Variants in TMEM38A observed in about 807,000 individuals in gnomAD.
The protein encoded by TMEM38A is trimeric intracellular cation channel type A.
In TMEM38A, 17 loss-of-function variants were observed where a neutral mutation model predicts 28.6. That is an observed-to-expected ratio of 0.60 (90% CI 0.41 to 0.89). TMEM38A has a LOEUF of 0.89. Ranked by LOEUF, TMEM38A falls within the 40% of genes least tolerant of loss-of-function variation. The pLI, the probability that TMEM38A is intolerant of heterozygous loss-of-function variation, is 0.00. For missense variants in TMEM38A, 328 were observed against 393.1 expected, an observed-to-expected ratio of 0.83 and a Z score of 1.40; for synonymous variants, 169 against 166.1, an observed-to-expected ratio of 1.02 and a Z score of -0.14.
intron 4 of TMEM38A, among the ~76,000 whole-genome samples, chr19:16,683,726 T>G (rs537852573): frequency 6.6e-6 from 1 of 151,956 alleles, no homozygotes; most frequent in Non-Finnish European, 1.5e-5. Context: ...ATCCCAGCAC[T>G]TTGGGAGGCT....
chr19:16,687,751 C>T (rs1441499750), intron 5 of TMEM38A, among the ~76,000 whole-genome samples: 1 of 152,076 alleles, frequency 6.6e-6, no homozygotes, highest in South Asian at 2.1e-4. Flanking sequence ...TCTAATTACC[C>T]CTCCAAAGGC....
In TMEM38A at chr19:16,688,292, A is replaced by G; in HGVS notation, c.821A>G (p.Gln274Arg). Residue 274 changes from glutamine (Q) to arginine (R), a missense_variant, in exon 6 of 6, where the codon CAG (glutamine) becomes CGG (arginine). Physicochemically the swap from Gln to Arg is conservative, Grantham distance 43 (BLOSUM62 1). Transcript: ENST00000187762. ...GSHSGGGPGA[Q>R]HSAMPAKSKE... Reference sequence around the variant, plus strand: ...CACAGCGGTGGTGGGCCAGGAGCTCAGCATTCGGCCATGCCCGCCAAGTCC... The same window carrying G: ...CACAGCGGTGGTGGGCCAGGAGCTCGGCATTCGGCCATGCCCGCCAAGTCC... 1.2e-6 allele frequency: 2 copies of G among 1,608,996 alleles called. No homozygotes were observed. The highest frequency in any genetic ancestry group is 8.5e-7 in the Non-Finnish European group (1 of 1,177,642).
chr19:16,687,907 A>C (rs1428923151), intron 5 of TMEM38A, among the ~76,000 whole-genome samples: 1 of 152,178 alleles, frequency 6.6e-6, no homozygotes, highest in Non-Finnish European at 1.5e-5. Flanking sequence ...CAGCAGTCTC[A>C]GTGTGCTTGG....
chr19:16,661,199 A>G lies in TMEM38A; in HGVS notation c.-19A>G, dbSNP rs745848879. On this transcript the variant is annotated 5_prime_UTR_variant, in exon 1 of 6. Coordinates refer to ENST00000187762, the MANE Select transcript of TMEM38A (RefSeq NM_024074.4). The surrounding 1 kb of genome is among the most constrained non-coding windows in gnomAD (Gnocchi z 6.5). Reference sequence around the variant, plus strand: ...GCCGGGGCCCCGGGTGGCACCCGGCAGGCGGGCAGGCGGGCGCCATGGAGC... The same window carrying G: ...GCCGGGGCCCCGGGTGGCACCCGGCGGGCGGGCAGGCGGGCGCCATGGAGC... 1 of 1,412,964 alleles carries G rather than the reference A, an allele frequency of 7.1e-7. No homozygotes were observed. The highest frequency in any genetic ancestry group is 9.4e-7 in the Non-Finnish European group (1 of 1,069,448). The allele number at this position is 1,412,964 out of a possible 1,614,324, so 87.5% of individuals were successfully genotyped here.
rs1265087878 is a variant in TMEM38A, at chr19:16,688,359, G to T, written c.888G>T (p.Lys296Asn). ...AGGGCTCCAGGAAGAAGAAGGCCAA[G>T]AAGGCGGATTAGGGGGTGGCCCAAG... ...LSEGSRKKKA[K>N]KAD Residue 296 changes from lysine (K) to asparagine (N), a missense_variant, in exon 6 of 6, where the codon AAG becomes AAT. Coordinates refer to ENST00000187762, the MANE Select transcript of TMEM38A (RefSeq NM_024074.4). 1 of 1,589,076 alleles carries T rather than the reference G, an allele frequency of 6.3e-7. No individual in the cohort carries two copies. Among genetic ancestry groups the T allele is most frequent in the African/African-American group, 1.3e-5 (1 of 74,282 alleles).
Position 16,661,162 on chromosome 19 carries a change from G to C in TMEM38A, c.-56G>C. 9 of 1,117,570 alleles carry C rather than the reference G, an allele frequency of 8.1e-6. No homozygotes were observed. The highest frequency in any genetic ancestry group is 9.9e-6 in the Non-Finnish European group (9 of 910,830). The allele number at this position is 1,117,570 out of a possible 1,614,324, so 69.2% of individuals were successfully genotyped here. The stretch of plus-strand genomic sequence containing the variant: ...GCGCAGTCGCCGGGCCGCGGGCGGC[G>C]GGACGGACGAGGCCGGGGCCCCGGG... On this transcript the variant is annotated 5_prime_UTR_variant, in exon 1 of 6. Transcript: ENST00000187762. This position sits in a 1 kb window ranked among gnomAD's most constrained non-coding sequence, Gnocchi z 6.5.
At chr19:16,669,070 T>TCTGC (rs1197037576) in intron 1 of TMEM38A, among the ~76,000 whole-genome samples, 4 of 152,046 alleles carry the variant, frequency 2.6e-5, no homozygotes, top group Non-Finnish European at 4.4e-5. Context: ...CCTCAGGTGA[T>TCTGC]CTGCCCGCCT....
At chr19:16,663,544 T>C (rs1369623135) in intron 1 of TMEM38A, among the ~76,000 whole-genome samples, 1 of 151,650 alleles carries the variant, frequency 6.6e-6, no homozygotes, top group Admixed American at 6.6e-5. Flanking sequence ...CTTTTTTTTT[T>C]TTGAAACGGA....
intron 1 of TMEM38A, among the ~76,000 whole-genome samples, chr19:16,670,894 G>T (rs978195267): frequency 6.6e-5 from 10 of 151,952 alleles, no homozygotes; most frequent in Non-Finnish European, 1.3e-4. Context: ...AGCCAAGATC[G>T]CACCACTACA....
chr19:16,676,083 G>A (rs557759357), intron 1 of TMEM38A, among the ~76,000 whole-genome samples: 11 of 149,614 alleles, frequency 7.4e-5, no homozygotes, highest in East Asian at 5.8e-4. Flanking sequence ...CATTTTGGCC[G>A]GGCGCGGTGG....
At chr19:16,675,474 TC>T (rs1324561220) in intron 1 of TMEM38A, among the ~76,000 whole-genome samples, 1 of 151,462 alleles carries the variant, frequency 6.6e-6, no homozygotes, top group Non-Finnish European at 1.5e-5. Flanking sequence ...GCTCAAGAGA[TC>T]CTCTGGCCTC....
chr19:16,668,803 T>G (rs1599385808), intron 1 of TMEM38A, among the ~76,000 whole-genome samples: 1 of 152,042 alleles, frequency 6.6e-6, no homozygotes, highest in East Asian at 1.9e-4. Flanking sequence ...GCTCACTGGA[T>G]AATATTTCTT....
chr19:16,670,026 G>C (rs2086719854), intron 1 of TMEM38A, among the ~76,000 whole-genome samples: 1 of 151,992 alleles, frequency 6.6e-6, no homozygotes, highest in Admixed American at 6.6e-5. Context: ...TTGGAGTGCA[G>C]TGGCGCGATC....
intron 1 of TMEM38A, among the ~76,000 whole-genome samples, chr19:16,668,596 T>C (rs747198696): frequency 2.1e-4 from 32 of 151,838 alleles, no homozygotes; most frequent in Non-Finnish European, 3.5e-4. Context: ...TGCCTTGGCT[T>C]CCCAAAGTGT....
Position 16,682,028 on chromosome 19 carries a change from G to A in TMEM38A, c.467-393G>A, listed in dbSNP as rs570646118. Reference sequence around the variant, plus strand: ...CAGGGGTATAGCATCTCCTCCAGAGGATGGGTGGCTTGAGAAAGATTAAGA... The same window carrying A: ...CAGGGGTATAGCATCTCCTCCAGAGAATGGGTGGCTTGAGAAAGATTAAGA... On this transcript the variant is annotated intron_variant, in intron 3 of 5. Coordinates refer to ENST00000187762, the MANE Select transcript of TMEM38A (RefSeq NM_024074.4). Among the ~76,000 whole-genome samples, 38 of 152,250 alleles carry A rather than the reference G, an allele frequency of 2.5e-4. 1 individual carries two copies. The South Asian group carries it at 7.9e-3, about 32-fold the overall frequency.
Position 16,661,847 on chromosome 19 carries a change from A to G in TMEM38A, c.124+506A>G, listed in dbSNP as rs1234643657. On this transcript the variant is annotated intron_variant, in intron 1 of 5. Transcript: ENST00000187762. The surrounding 1 kb of genome is among the most constrained non-coding windows in gnomAD (Gnocchi z 6.5). ...GTTCTCCTCCCCACTGCAACTGCCC[A>G]GCACCCTCCACTCCCCTCCCTTCCC... 6.6e-6 allele frequency among the ~76,000 whole-genome samples: 1 copy of G among 152,028 alleles called. No individual in the cohort carries two copies. The highest frequency in any genetic ancestry group is 1.9e-4 in the East Asian group (1 of 5,172).
At chr19:16,674,081 G>C (rs2086739197) in intron 1 of TMEM38A, among the ~76,000 whole-genome samples, 2 of 145,808 alleles carry the variant, frequency 1.4e-5, no homozygotes, top group Admixed American at 6.8e-5. Context: ...GCGAGATGCT[G>C]TCTCTTAAAA....
chr19:16,678,766 C>CAAAAAAA (rs61142232), intron 1 of TMEM38A, among the ~76,000 whole-genome samples: 4 of 48,610 alleles, frequency 8.2e-5, no homozygotes, highest in Non-Finnish European at 1.3e-4. Context: ...ACCCTGTGTC[C>CAAAAAAA]AAAAAAAAAA....
At chr19:16,675,204 C>G (rs1053622127) in intron 1 of TMEM38A, among the ~76,000 whole-genome samples, 5 of 152,094 alleles carry the variant, frequency 3.3e-5, no homozygotes, top group African/African-American at 1.2e-4. Flanking sequence ...ATATGGTAGA[C>G]AGCAGAGAGC....
Sources: gnomAD v4.1 joint callset for allele counts (sites outside exome capture counted in the v4.1 genomes callset) on GRCh38, gnomAD v4.1.1 for gene constraint, Gnocchi (gnomAD v3.1) non-coding constraint, MANE v1.5 for transcripts, NCBI Gene and HGNC (gene_info 2026-07-23, HGNC 2026-07-21) for gene names.